The following DSG1 variants were observed in gnomAD, a reference collection of about 807,000 sequenced individuals.
DSG1 encodes the protein desmoglein 1, also known as desmoglein-1.
DSG1 carries 39 observed loss-of-function variants against 97.5 expected under a neutral mutation model. The observed-to-expected ratio is 0.40, with a 90% CI of 0.31 to 0.52. The LOEUF (loss-of-function observed/expected upper bound fraction) is 0.52. DSG1 is among the 20% of genes least tolerant of loss of function. The pLI is 0.53. For missense variants in DSG1, 1,311 were observed against 1,295.4 expected, an observed-to-expected ratio of 1.01 and a Z score of -0.18; for synonymous variants, 475 against 443.4, an observed-to-expected ratio of 1.07 and a Z score of -0.90.
At chr18:31,328,476 G>A in intron 4 of DSG1, 132 bp downstream of exon 4, 1 of 868,868 alleles carries the variant, frequency 1.2e-6, no homozygotes, top group East Asian at 2.6e-5. Flanking sequence ...TAATTCACGA[G>A]CATCCCACGA....
chr18:31,331,645 C>T (rs913156822), intron 5 of DSG1, 56 bp from the exon 6 acceptor site: 8 of 1,536,186 alleles, frequency 5.2e-6, no homozygotes, highest in Non-Finnish European at 7.2e-6. Context: ...GTGATATACT[C>T]TACTGTAACA....
rs185887207 is a variant in DSG1, at chr18:31,346,766, A to G, written c.2100+568A>G. 3.3e-5 allele frequency among the ~76,000 whole-genome samples: 5 copies of G among 152,296 alleles called. No homozygotes were observed. The East Asian group carries it at 7.7e-4, about 24-fold the overall frequency. On this transcript the variant is annotated intron_variant, in intron 14 of 14. Coordinates refer to ENST00000257192, the MANE Select transcript of DSG1 (RefSeq NM_001942.4). ...TGTTTACACATTTATAGAACCTATC[A>G]TTGCTAAAATCTGTCCGTTTATATG... is the stretch of plus-strand genomic sequence containing the variant.
rs531787387 is a variant in DSG1, at chr18:31,324,259, G to T, written c.49-2322G>T. ...GGCCTCCCAAAGTGCTGGGATTACA[G>T]GCGTGAGCCACAGCGCCCGGCCCTC... is the stretch of plus-strand genomic sequence containing the variant. On this transcript the variant is annotated intron_variant, in intron 1 of 14. Transcript: ENST00000257192. 2.0e-3 allele frequency among the ~76,000 whole-genome samples: 306 copies of T among 150,444 alleles called. 5 individuals are homozygous for T. Among genetic ancestry groups the T allele is most frequent in the African/African-American group, 7.1e-3 (292 of 40,990 alleles).
rs555114391 is a variant in DSG1, at chr18:31,357,278, A to G, written c.*1932A>G. Among the ~76,000 whole-genome samples, 5 of 152,224 alleles carry G rather than the reference A, an allele frequency of 3.3e-5. No individual in the cohort carries two copies. Among genetic ancestry groups the G allele is most frequent in the Non-Finnish European group, 5.9e-5 (4 of 67,952 alleles). On this transcript the variant is annotated 3_prime_UTR_variant, in exon 15 of 15. Coordinates refer to ENST00000257192, the MANE Select transcript of DSG1 (RefSeq NM_001942.4). ...TAGTCTGTAGTATGCTAAATGCAGAAGTATAAATAAAGTCATTCAAAGGGA... is the reference window on the plus strand; with the variant it reads ...TAGTCTGTAGTATGCTAAATGCAGAGGTATAAATAAAGTCATTCAAAGGGA...
At chr18:31,326,828 C>T (rs757302411) in intron 2 of DSG1, 46 bp from the exon 3 acceptor site, 13 of 1,585,722 alleles carry the variant, frequency 8.2e-6, no homozygotes, top group South Asian at 6.7e-5. Flanking sequence ...ATTTGAATTA[C>T]GAATTCAAAT....
In DSG1 at chr18:31,337,889, C is replaced by A. The variant is rs542409900; in HGVS notation, c.1266-426C>A. On this transcript the variant is annotated intron_variant, in intron 9 of 14. Transcript: ENST00000257192. Reference sequence around the variant, plus strand: ...TTCCAGTGCATGTGAGAAGGAGGAGCAGAAACAGGGGGGAAGTTCAGGCCA... The same window carrying A: ...TTCCAGTGCATGTGAGAAGGAGGAGAAGAAACAGGGGGGAAGTTCAGGCCA... Among the ~76,000 whole-genome samples the A allele has an allele frequency of 9.2e-5, 14 of 152,222 alleles. No individual in the cohort carries two copies. In the South Asian group the frequency reaches 2.5e-3, roughly 27 times the overall value.
Position 31,318,341 on chromosome 18 carries a change from T to C in DSG1, c.41T>C (p.Ile14Thr). Residue 14 changes from isoleucine to threonine, a missense_variant, in exon 1 of 15, where the codon ATT (isoleucine) becomes ACT (threonine). This residue lies in a region of DSG1 where 259 missense variants were observed against 304.1 expected (regional missense o/e 0.85). Coordinates refer to ENST00000257192, the MANE Select transcript of DSG1 (RefSeq NM_001942.4). ...TTCAGAGTAGTTGCAATGCTGTTCA[T>C]TTTTCTGGTGAGTGGATTCTGGTAA... is the stretch of plus-strand genomic sequence containing the variant. Reference protein sequence around the residue: ...SFFRVVAMLFIFLVVVEVNSE... With the variant: ...SFFRVVAMLFTFLVVVEVNSE... 1.2e-6 allele frequency: 2 copies of C among 1,612,618 alleles called. No homozygotes were observed. Among genetic ancestry groups the C allele is most frequent in the Non-Finnish European group, 1.7e-6 (2 of 1,178,670 alleles).
intron 4 of DSG1, among the ~76,000 whole-genome samples, chr18:31,329,575 G>A (rs888758997): frequency 6.6e-6 from 1 of 151,518 alleles, no homozygotes; most frequent in African/African-American, 2.4e-5. Flanking sequence ...ATATTGCCCA[G>A]GCTAGTATCA....
At chr18:31,324,156 G>T (rs1362330549) in intron 1 of DSG1, among the ~76,000 whole-genome samples, 2 of 151,398 alleles carry the variant, frequency 1.3e-5, no homozygotes, top group Non-Finnish European at 2.9e-5. Context: ...GCTAATTTTT[G>T]TATTTTTAGT....
At chr18:31,349,437 G>T (rs867920391) in intron 14 of DSG1, among the ~76,000 whole-genome samples, 3,239 of 147,578 alleles carry the variant, frequency 0.022, 129 homozygotes, top group African/African-American at 0.082. Flanking sequence ...TAGGATTGAC[G>T]TGGCGATGCG....
chr18:31,331,091 A>G (rs886462649), intron 5 of DSG1, among the ~76,000 whole-genome samples: 8 of 152,120 alleles, frequency 5.3e-5, no homozygotes, highest in Non-Finnish European at 7.4e-5. Flanking sequence ...TAATGAAAAG[A>G]TAAGAGACAG....
intron 14 of DSG1, among the ~76,000 whole-genome samples, chr18:31,348,326 C>A (rs1598712936): frequency 6.6e-6 from 1 of 151,830 alleles, no homozygotes; most frequent in African/African-American, 2.4e-5. Flanking sequence ...GCATAGTATT[C>A]CATGGCGTAT....
In DSG1 at chr18:31,329,878, C is replaced by T; in HGVS notation, c.373-14C>T. ...TGTGTTTCACTGTATAATTATTTATCTTTTCTCTCCCAGATCTACTGCCGA... is the reference window on the plus strand; with the variant it reads ...TGTGTTTCACTGTATAATTATTTATTTTTTCTCTCCCAGATCTACTGCCGA... On this transcript the variant is annotated splice_polypyrimidine_tract_variant and intron_variant, in intron 4 of 14. Transcript: ENST00000257192. The T allele has an allele frequency of 6.2e-7, 1 of 1,612,364 alleles. No homozygotes were observed. Among genetic ancestry groups the T allele is most frequent in the East Asian group, 2.2e-5 (1 of 44,846 alleles).
chr18:31,355,191 G>T lies in DSG1; in HGVS notation c.2995G>T (p.Gly999Cys), dbSNP rs756576886. The change falls in exon 15 of 15, where the codon GGT becomes TGT. Residue 999 changes from glycine to cysteine, a missense_variant. Transcript: ENST00000257192. ...GALSGAGISG[G>C]GIGLSSLGGT... Reference sequence around the variant, plus strand: ...CCTGAGTGGAGCTGGCATAAGTGGTGGTGGCATTGGCCTGAGCAGCTTGGG... The same window carrying T: ...CCTGAGTGGAGCTGGCATAAGTGGTTGTGGCATTGGCCTGAGCAGCTTGGG... The T allele has an allele frequency of 6.2e-7, 1 of 1,602,618 alleles. No homozygotes were observed.
intron 11 of DSG1, among the ~76,000 whole-genome samples, chr18:31,342,509 C>A (rs2071796390): frequency 6.6e-6 from 1 of 151,654 alleles, no homozygotes. Flanking sequence ...CACATTCTTT[C>A]TTTCATCCAT....
In DSG1 at chr18:31,336,539, T is replaced by C. The variant is rs1400344007; in HGVS notation, c.1191T>C (p.Asn397=). 2.5e-6 allele frequency: 4 copies of C among 1,613,926 alleles called. No individual in the cohort carries two copies. Among genetic ancestry groups the C allele is most frequent in the South Asian group, 1.1e-5 (1 of 91,086 alleles). ...CAAAGACATATGTTGTAACTGGTAA[T>C]ATGGGATCAAATGATAAAGTGGGAG... ...PGSKTYVVTG[N]MGSNDKVGDF... is the part of the protein sequence containing the mutation. Residue 397 remains asparagine (N), a synonymous_variant, in exon 9 of 15, where the codon AAT becomes AAC. Coordinates refer to ENST00000257192, the MANE Select transcript of DSG1 (RefSeq NM_001942.4).
chr18:31,320,906 G>A (rs557098014), intron 1 of DSG1, among the ~76,000 whole-genome samples: 5 of 152,242 alleles, frequency 3.3e-5, no homozygotes, highest in Admixed American at 1.3e-4. Context: ...TTGCAACTTT[G>A]CCAGGTCCAA....
rs888525704 is a variant in DSG1, at chr18:31,357,279, G to C, written c.*1933G>C. The stretch of plus-strand genomic sequence containing the variant: ...AGTCTGTAGTATGCTAAATGCAGAA[G>C]TATAAATAAAGTCATTCAAAGGGAG... On this transcript the variant is annotated 3_prime_UTR_variant, in exon 15 of 15. Transcript: ENST00000257192. Among the ~76,000 whole-genome samples the C allele has an allele frequency of 2.6e-5, 4 of 152,060 alleles. No individual in the cohort carries two copies. Among genetic ancestry groups the C allele is most frequent in the Non-Finnish European group, 4.4e-5 (3 of 67,938 alleles).
At chr18:31,321,539 T>C (rs2071653949) in intron 1 of DSG1, among the ~76,000 whole-genome samples, 1 of 152,214 alleles carries the variant, frequency 6.6e-6, no homozygotes, top group African/African-American at 2.4e-5. Context: ...ATGGTGTTCA[T>C]AAAAGCTTTA....
Sources: gnomAD v4.1 joint callset for allele counts (sites outside exome capture counted in the v4.1 genomes callset) on GRCh38, gnomAD v4.1.1 for gene constraint, gnomAD v4.1.1 regional missense constraint, MANE v1.5 for transcripts, NCBI Gene and HGNC (gene_info 2026-07-23, HGNC 2026-07-21) for gene names.